The following PCDH7 variants were observed in gnomAD, a reference collection of about 807,000 sequenced individuals.
PCDH7 encodes the protein protocadherin 7, also known as protocadherin-7.
In PCDH7, 17 loss-of-function variants were observed where a neutral mutation model predicts 58.9. The observed-to-expected ratio is 0.29, with a 90% CI of 0.20 to 0.43. PCDH7 has a LOEUF of 0.43. Ranked by LOEUF, PCDH7 falls within the 20% of genes least tolerant of loss-of-function variation. The probability of loss-of-function intolerance (pLI) is 1.00; values close to 1 mark genes in which losing one functional copy is unlikely to be tolerated. For missense variants in PCDH7, 1,274 were observed against 1,441.0 expected (o/e 0.88, Z 1.88); for synonymous variants, 664 against 616.4 (o/e 1.08, Z -1.14).
At chr4:31,034,960 C>A (rs983755306) in intron 3 of PCDH7, among the ~76,000 whole-genome samples, 2 of 152,196 alleles carry the variant, frequency 1.3e-5, no homozygotes, top group Non-Finnish European at 2.9e-5. Flanking sequence ...ATTAATTGCA[C>A]CCTTGTGATG....
chr4:30,766,599 TATA>T (rs549432766), intron 1 of PCDH7, among the ~76,000 whole-genome samples: 9 of 152,166 alleles, frequency 5.9e-5, no homozygotes, highest in African/African-American at 2.2e-4. Flanking sequence ...ATAGGCATCA[TATA>T]ATAATGTGTT....
intron 1 of PCDH7, among the ~76,000 whole-genome samples, chr4:30,809,664 C>T (rs369729656): frequency 3.3e-5 from 5 of 152,192 alleles, no homozygotes; most frequent in South Asian, 4.1e-4. Context: ...TCCAGCCCTA[C>T]GTCATTCTGA....
At chr4:31,054,784 T>A (rs543896103) in intron 3 of PCDH7, among the ~76,000 whole-genome samples, 1 of 152,186 alleles carries the variant, frequency 6.6e-6, no homozygotes, top group Non-Finnish European at 1.5e-5. Flanking sequence ...ACCTCAGTTC[T>A]TTTTTGTTGG....
At chr4:30,830,362 C>T (rs1161090458) in intron 1 of PCDH7, among the ~76,000 whole-genome samples, 2 of 151,930 alleles carry the variant, frequency 1.3e-5, no homozygotes, top group Admixed American at 6.6e-5. Context: ...AAAAGTACTA[C>T]GTATGGTGAT....
intron 1 of PCDH7, among the ~76,000 whole-genome samples, chr4:30,789,472 T>C (rs1723832239): frequency 6.6e-6 from 1 of 152,212 alleles, no homozygotes; most frequent in Non-Finnish European, 1.5e-5. Context: ...TGACTTTTAA[T>C]TTCACGATTA....
At chr4:30,744,858 C>G (rs1717560694) in intron 1 of PCDH7, among the ~76,000 whole-genome samples, 1 of 152,168 alleles carries the variant, frequency 6.6e-6, no homozygotes, top group Admixed American at 6.5e-5. Context: ...AATCCTAGAA[C>G]CAGTTAATGA....
chr4:30,741,132 G>C (rs1225920447), intron 1 of PCDH7, among the ~76,000 whole-genome samples: 1 of 151,946 alleles, frequency 6.6e-6, no homozygotes, highest in Non-Finnish European at 1.5e-5. Context: ...TATGATCTGA[G>C]TTGATATATC....
At chr4:31,090,967 A>G (rs555197420) in intron 3 of PCDH7, among the ~76,000 whole-genome samples, 3 of 152,216 alleles carry the variant, frequency 2.0e-5, no homozygotes, top group South Asian at 2.1e-4. Flanking sequence ...CAACTTTATG[A>G]AAAACACTTG....
chr4:31,145,135 T>A (rs1451557280), downstream of PCDH7: 3 of 151,946 alleles, frequency 2.0e-5, no homozygotes, highest in African/African-American at 4.8e-5. Context: ...TAAACCCTTC[T>A]CTTGTCTATA....
intron 1 of PCDH7, among the ~76,000 whole-genome samples, chr4:30,885,478 A>G (rs1197088081): frequency 6.6e-6 from 1 of 152,164 alleles, no homozygotes; most frequent in Non-Finnish European, 1.5e-5. Flanking sequence ...TTATTTCTTC[A>G]GTCTCTTTCA....
chr4:30,739,111 CTA>C (rs1031587055), intron 1 of PCDH7, among the ~76,000 whole-genome samples: 10 of 137,524 alleles, frequency 7.3e-5, no homozygotes, highest in African/African-American at 2.4e-4. Flanking sequence ...CAACCTGGAA[CTA>C]TATATATATA....
At chr4:30,908,087 C>CA (rs1741212106) in intron 1 of PCDH7, among the ~76,000 whole-genome samples, 2 of 151,818 alleles carry the variant, frequency 1.3e-5, no homozygotes, top group African/African-American at 4.8e-5. Flanking sequence ...CACCACACAC[C>CA]AGGGCCGGTT....
At chr4:30,935,234 A>G (rs1745201976) in intron 2 of PCDH7, 2 of 500,442 alleles carry the variant, frequency 4.0e-6, no homozygotes, top group Non-Finnish European at 2.6e-6. Context: ...TAGTTCTACA[A>G]CAATCTTTTT....
At chr4:31,047,226 A>G (rs1218884841) in intron 3 of PCDH7, among the ~76,000 whole-genome samples, 1 of 152,102 alleles carries the variant, frequency 6.6e-6, no homozygotes, top group Non-Finnish European at 1.5e-5. Flanking sequence ...AAATTCATGA[A>G]TAACTTCATG....
In PCDH7 at chr4:30,728,696, A is replaced by C. The variant is rs998257702; in HGVS notation, c.3175-2057A>C. 2.6e-5 allele frequency among the ~76,000 whole-genome samples: 4 copies of C among 151,878 alleles called. No individual in the cohort carries two copies. The East Asian group carries it at 7.7e-4, about 29-fold the overall frequency. ...TCTTATCCAAAACTTATCCTAAACC[A>C]ATTAATGACTTAGATGTAAGACCAC... is the stretch of plus-strand genomic sequence containing the variant. On this transcript the variant is annotated intron_variant, in intron 1 of 1. Transcript: ENST00000361762.
At chr4:31,104,465 G>T (rs1715300587) in intron 3 of PCDH7, among the ~76,000 whole-genome samples, 2 of 152,122 alleles carry the variant, frequency 1.3e-5, no homozygotes, top group Admixed American at 6.5e-5. Flanking sequence ...AAATGATATA[G>T]CACTTAATTG....
exon 4 of PCDH7, chr4:31,142,831 A>G: frequency 7.3e-7 from 1 of 1,365,092 alleles, no homozygotes; most frequent in Non-Finnish European, 9.8e-7. Context: ...CTCTCACTAG[A>G]AGAGAAGTTT....
In PCDH7 at chr4:30,783,782, T is replaced by C. The variant is rs931279485; in HGVS notation, c.70+59186T>C. Among the ~76,000 whole-genome samples, 9 of 152,204 alleles carry C rather than the reference T, an allele frequency of 5.9e-5. No homozygotes were observed. The East Asian group carries it at 1.7e-3, about 29-fold the overall frequency. ...AAGAAGGTCTAGAGAAGGTAAACAA[T>C]ATAGCTTTTATATAAGTGAACATTT... On this transcript the variant is annotated intron_variant, in intron 1 of 3. Transcript: ENST00000509759.
intron 3 of PCDH7, among the ~76,000 whole-genome samples, chr4:31,004,763 C>CT (rs1006211594): frequency 3.9e-5 from 6 of 151,906 alleles, no homozygotes; most frequent in Admixed American, 2.6e-4. Context: ...TTGAAGTAGT[C>CT]TTTTTTTCAG....
Sources: allele counts gnomAD v4.1 joint callset (sites outside exome capture counted in the v4.1 genomes callset), GRCh38; gene constraint gnomAD v4.1.1; transcripts MANE v1.5; gene names NCBI Gene and HGNC (gene_info 2026-07-23, HGNC 2026-07-21).